The following BHLHE41 variants were observed in gnomAD, a reference collection of about 807,000 sequenced individuals.
The protein encoded by BHLHE41 is class E basic helix-loop-helix protein 41.
In BHLHE41, 14 loss-of-function variants were observed where a neutral mutation model predicts 24.0. The ratio of observed to expected loss-of-function variants is 0.58; its 90% CI spans 0.39 to 0.91. The LOEUF (loss-of-function observed/expected upper bound fraction) is 0.91, where lower values mean the gene tolerates loss of function less well. BHLHE41 is among the 40% of genes least tolerant of loss of function. The pLI, the probability that BHLHE41 is intolerant of heterozygous loss-of-function variation, is 0.00. For missense variants in BHLHE41, 674 were observed against 655.4 expected (o/e 1.03, Z -0.31); for synonymous variants, 394 against 315.5 (o/e 1.25, Z -2.64).
Position 26,124,861 on chromosome 12 carries a change from TG to T in BHLHE41, c.-83del. 1 of 1,358,104 alleles carries T rather than the reference TG, an allele frequency of 7.4e-7. No homozygotes were observed. The highest frequency in any genetic ancestry group is 1.1e-6 in the Non-Finnish European group (1 of 951,040). The allele number at this position is 1,358,104 out of a possible 1,614,324, so 84.1% of individuals were successfully genotyped here. A position where few individuals can be genotyped will look rare whatever the true frequency, so the allele number is the denominator to read the frequency against. On this transcript the variant is annotated 5_prime_UTR_variant, in exon 1 of 5. Coordinates refer to ENST00000242728, the MANE Select transcript of BHLHE41 (RefSeq NM_030762.3). ...GTGGGACGGTAGGCTTGGGAGACCT[TG>T]GGGGGATCTGTGCGTCTCCAGTCTC...
At position 26,120,223 on chromosome 12, in the gene BHLHE41, C is replaced by G. The variant is rs892488601; in HGVS notation, c.*1843G>C. ...AGATATCTTAAAACTAATTGAGCAT[C>G]CATTATGTCTTTTTTAATTATTAGA... On this transcript the variant is annotated 3_prime_UTR_variant, in exon 5 of 5. Coordinates refer to ENST00000242728, the MANE Select transcript of BHLHE41 (RefSeq NM_030762.3). The G allele has an allele frequency of 6.6e-6, 1 of 152,452 alleles. No individual in the cohort carries two copies. The highest frequency in any genetic ancestry group is 1.5e-5 in the Non-Finnish European group (1 of 68,022). The allele number at this position is 152,452 out of a possible 1,614,324, so 9.4% of individuals were successfully genotyped here.
At position 26,121,136 on chromosome 12, in the gene BHLHE41, T is replaced by C. The variant is rs904142430; in HGVS notation, c.*930A>G. 6.6e-6 allele frequency: 1 copy of C among 152,254 alleles called. No individual in the cohort carries two copies. Among genetic ancestry groups the C allele is most frequent in the Non-Finnish European group, 1.5e-5 (1 of 68,048 alleles). The allele number at this position is 152,254 out of a possible 1,614,324, so 9.4% of individuals were successfully genotyped here. A position where few individuals can be genotyped will look rare whatever the true frequency, so the allele number is the denominator to read the frequency against. Reference sequence around the variant, plus strand: ...ACAAAAATTTAGGAACATGATGGATTAATGAGAGTGGGAATAGATGCACTT... The same window carrying C: ...ACAAAAATTTAGGAACATGATGGATCAATGAGAGTGGGAATAGATGCACTT... On this transcript the variant is annotated 3_prime_UTR_variant, in exon 5 of 5. Transcript: ENST00000242728.
At position 26,122,631 on chromosome 12, in the gene BHLHE41, C is replaced by A. The variant is rs1387397479; in HGVS notation, c.884G>T (p.Gly295Val). 8 of 1,241,456 alleles carry A rather than the reference C, an allele frequency of 6.4e-6. No homozygotes were observed. The highest frequency in any genetic ancestry group is 1.6e-5 in the African/African-American group (1 of 62,660). 76.9% of individuals were successfully genotyped at this position (1,241,456 alleles called of 1,614,324 possible). The change falls in exon 5 of 5, where the codon GGC (glycine) becomes GTC (valine). Residue 295 changes from glycine to valine, a missense_variant. Gly to Val is a moderately radical substitution (Grantham distance 109). Transcript: ENST00000242728. Reference protein sequence around the residue: ...RGGGSGGGPGGGAAAAAAALL... With the variant: ...RGGGSGGGPGVGAAAAAAALL... ...CGCGGCTGCCGCCGCCGCCGCGCCG[C>A]CCCCCGGGCCGCCGCCGCTGCCGCC...
In BHLHE41 at chr12:26,122,350, A is replaced by G. The variant is rs1591838202; in HGVS notation, c.1165T>C (p.Tyr389His). 6.1e-6 allele frequency: 7 copies of G among 1,152,180 alleles called. No individual in the cohort carries two copies. The highest frequency in any genetic ancestry group is 7.4e-6 in the Non-Finnish European group (7 of 940,200). The allele number at this position is 1,152,180 out of a possible 1,614,324, so 71.4% of individuals were successfully genotyped here. A position where few individuals can be genotyped will look rare whatever the true frequency, so the allele number is the denominator to read the frequency against. Residue 389 changes from tyrosine (Y) to histidine (H), a missense_variant, in exon 5 of 5, where the codon TAC becomes CAC. Physicochemically the swap from Tyr to His is moderately conservative, Grantham distance 83. Transcript: ENST00000242728. ...AAAAAPFPLL[Y>H]PGIPAPAAAA... Reference sequence around the variant, plus strand: ...GCCGCCGGGGCGGGGATGCCGGGGTATAGCAGCGGGAACGGGGCGGCAGCC... The same window carrying G: ...GCCGCCGGGGCGGGGATGCCGGGGTGTAGCAGCGGGAACGGGGCGGCAGCC...
rs1944314053 is a variant in BHLHE41, at chr12:26,122,269, A to T, written c.1246T>A (p.Ser416Thr). The change falls in exon 5 of 5, where the codon TCC becomes ACC. Residue 416 changes from serine to threonine, a missense_variant. Ser to Thr is a moderately conservative substitution (Grantham distance 58). Around this residue, in one of 3 missense-constraint regions of BHLHE41, gnomAD observed 602 missense variants for 570.8 expected, o/e 1.05. Coordinates refer to ENST00000242728, the MANE Select transcript of BHLHE41 (RefSeq NM_030762.3). ...AAAAAAFPCL[S>T]SVLSPPPEKA... is the part of the protein sequence containing the mutation. ...TCGGGAGGGGGCGACAACACCGAGG[A>T]CAGGCAGGGGAACGCGGCGGCGGCG... is the stretch of plus-strand genomic sequence containing the variant. 2 of 1,219,858 alleles carry T rather than the reference A, an allele frequency of 1.6e-6. No individual in the cohort carries two copies. The highest frequency in any genetic ancestry group is 8.1e-5 in the South Asian group (2 of 24,746). The allele number at this position is 1,219,858 out of a possible 1,614,324, so 75.6% of individuals were successfully genotyped here.
In BHLHE41 at chr12:26,122,495, G is replaced by C. The variant is rs1238502679; in HGVS notation, c.1020C>G (p.Pro340=). The change falls in exon 5 of 5, where the codon CCC becomes CCG. Residue 340 remains proline (P), a synonymous_variant. Transcript: ENST00000242728. ...GGCAGAAGGGGGCCGCGGCGGCCGC[G>C]GGCTGCGGGAAGGGCGCGCCTCCGC... ...GGGGGAPFPQ[P]AAAAAPFCLP... is the part of the protein sequence containing the mutation. 3.8e-6 allele frequency: 5 copies of C among 1,323,008 alleles called. No homozygotes were observed. In the African/African-American group the frequency reaches 7.7e-5, roughly 20 times the overall value. 82.0% of individuals were successfully genotyped at this position (1,323,008 alleles called of 1,614,324 possible).
rs1414200845 is a variant in BHLHE41, at chr12:26,122,165, G to A, written c.1350C>T (p.His450=). The change falls in exon 5 of 5, where the codon CAC becomes CAT. Residue 450 remains histidine, a synonymous_variant. Coordinates refer to ENST00000242728, the MANE Select transcript of BHLHE41 (RefSeq NM_030762.3). ...PLGAPHPQHP[H]GRTHLPFAGP... ...CGGCGAAGGGCAGGTGGGTGCGGCC[G>A]TGCGGGTGCTGGGGGTGCGGCGCCC... 18 of 1,535,620 alleles carry A rather than the reference G, an allele frequency of 1.2e-5. No individual in the cohort carries two copies. Among genetic ancestry groups the A allele is most frequent in the Admixed American group, 2.0e-5 (1 of 49,720 alleles).
In BHLHE41 at chr12:26,123,050, C is replaced by T. The variant is rs940889368; in HGVS notation, c.465G>A (p.Arg155=). 2 of 1,581,278 alleles carry T rather than the reference C, an allele frequency of 1.3e-6. No individual in the cohort carries two copies. Among genetic ancestry groups the T allele is most frequent in the African/African-American group, 2.7e-5 (2 of 74,278 alleles). The change falls in exon 5 of 5, where the codon AGG becomes AGA. Residue 155 remains arginine (R), a synonymous_variant. Transcript: ENST00000242728. Reference sequence around the variant, plus strand: ...TGATCAGCTGGACACACCGCGGCTCCCTGGGTGTCCAGCTCTCAAACCGGG... The same window carrying T: ...TGATCAGCTGGACACACCGCGGCTCTCTGGGTGTCCAGCTCTCAAACCGGG... ...YLSRFESWTP[R]EPRCVQLINH...
rs771667138 is a variant in BHLHE41 at position 26,122,511 on chromosome 12, GCGCCTC to G, written c.998_1003del (p.Gly333_Gly334del). 7 of 1,302,076 alleles carry G rather than the reference GCGCCTC, an allele frequency of 5.4e-6. No homozygotes were observed. Among genetic ancestry groups the G allele is most frequent in the African/African-American group, 1.6e-5 (1 of 64,268 alleles). 80.7% of individuals were successfully genotyped at this position (1,302,076 alleles called of 1,614,324 possible). On this transcript the variant is annotated inframe_deletion, in exon 5 of 5. Transcript: ENST00000242728. ...GGCGGCCGCGGGCTGCGGGAAGGGC[GCGCCTC>G]CGCCTCCGCCGAACGCCACCAGCGA... is the stretch of plus-strand genomic sequence containing the variant.
Position 26,122,775 on chromosome 12 carries a change from T to TC in BHLHE41, c.739dup (p.Glu247GlyfsTer253). On this transcript the variant is annotated frameshift_variant, in exon 5 of 5. Transcript: ENST00000242728. LOFTEE classifies it low-confidence loss of function (END_TRUNC). Reference sequence around the variant, plus strand: ...GCCTTTCTCGCGGTCCGGCCGGGCCTCGGCTTCGCCGCCGTAGCCGCTGTC... The same window carrying TC: ...GCCTTTCTCGCGGTCCGGCCGGGCCTCCGGCTTCGCCGCCGTAGCCGCTGTC... 6.3e-7 allele frequency: 1 copy of TC among 1,588,390 alleles called. No homozygotes were observed. Among genetic ancestry groups the TC allele is most frequent in the Non-Finnish European group, 8.5e-7 (1 of 1,173,830 alleles).
chr12:26,122,920 C>T lies in BHLHE41; in HGVS notation c.595G>A (p.Ala199Thr), dbSNP rs1392412512. 3.9e-6 allele frequency: 6 copies of T among 1,550,056 alleles called. No individual in the cohort carries two copies. The highest frequency in any genetic ancestry group is 2.0e-5 in the Admixed American group (1 of 51,052). The change falls in exon 5 of 5, where the codon GCG (alanine) becomes ACG (threonine). Residue 199 changes from alanine (A) to threonine (T), a missense_variant. Physicochemically the swap from Ala to Thr is moderately conservative, Grantham distance 58. Coordinates refer to ENST00000242728, the MANE Select transcript of BHLHE41 (RefSeq NM_030762.3). Reference protein sequence around the residue: ...GTGAPSAAGSAAAPCLERAGQ... With the variant: ...GTGAPSAAGSTAAPCLERAGQ... ...GCGCGCTCCAGGCAGGGGGCGGCCG[C>T]GGACCCGGCGGCCGAGGGAGCGCCG...
At position 26,122,950 on chromosome 12, in the gene BHLHE41, C is replaced by G; in HGVS notation, c.565G>C (p.Gly189Arg). 6.4e-7 allele frequency: 1 copy of G among 1,557,062 alleles called. No individual in the cohort carries two copies. The highest frequency in any genetic ancestry group is 8.7e-7 in the Non-Finnish European group (1 of 1,149,992). ...CCGGCGGCCGAGGGAGCGCCGGTGCCTTTGCTCAGAGGGACCTGTTGAGTC... is the reference window on the plus strand; with the variant it reads ...CCGGCGGCCGAGGGAGCGCCGGTGCGTTTGCTCAGAGGGACCTGTTGAGTC... ...LLTQQVPLSK[G>R]TGAPSAAGSA... The change falls in exon 5 of 5, where the codon GGC becomes CGC. Residue 189 changes from glycine to arginine, a missense_variant. Around this residue, in one of 3 missense-constraint regions of BHLHE41, gnomAD observed 602 missense variants for 570.8 expected, o/e 1.05. Transcript: ENST00000242728.
chr12:26,124,741 T>C lies in BHLHE41; in HGVS notation c.39A>G (p.Leu13=), dbSNP rs879149646. The part of the protein sequence containing the change: ...EGIPHLQERQ[L]LEHRDFIGLD... ...ACCCTATAAAATCTCTATGTTCCAG[T>C]AACTGTCTCTCTTGCAAATGAGGAA... The change falls in exon 1 of 5, where the codon TTA becomes TTG. Residue 13 remains leucine (L), a synonymous_variant. Transcript: ENST00000242728. 3 of 1,614,220 alleles carry C rather than the reference T, an allele frequency of 1.9e-6. No homozygotes were observed. The South Asian group carries it at 3.3e-5, about 18-fold the overall frequency.
chr12:26,124,474 A>G (rs770492170), intron 2 of BHLHE41, 45 bp downstream of exon 2: 58 of 1,573,562 alleles, frequency 3.7e-5, no homozygotes, highest in Non-Finnish European at 4.9e-5. Flanking sequence ...GGCTCTAATT[A>G]ACTACCCATG....
In BHLHE41 at chr12:26,121,173, G is replaced by C. The variant is rs778469215; in HGVS notation, c.*893C>G. On this transcript the variant is annotated 3_prime_UTR_variant, in exon 5 of 5. Transcript: ENST00000242728. ...GAATAGATGCACTTGAGATGTGTATGTATAGATACCTATCTATGGATAAAT... is the reference window on the plus strand; with the variant it reads ...GAATAGATGCACTTGAGATGTGTATCTATAGATACCTATCTATGGATAAAT... 1 of 152,174 alleles carries C rather than the reference G, an allele frequency of 6.6e-6. No homozygotes were observed. Among genetic ancestry groups the C allele is most frequent in the Non-Finnish European group, 1.5e-5 (1 of 68,022 alleles). 9.4% of individuals were successfully genotyped at this position (152,174 alleles called of 1,614,324 possible). A position where few individuals can be genotyped will look rare whatever the true frequency, so the allele number is the denominator to read the frequency against.
intron 4 of BHLHE41, 114 bp from the exon 5 acceptor site, chr12:26,123,282 G>C: frequency 7.4e-7 from 1 of 1,347,854 alleles, no homozygotes; most frequent in Non-Finnish European, 9.9e-7. Flanking sequence ...AAGTGATCTC[G>C]GTTTTTCCCC....
chr12:26,121,975 G>A lies in BHLHE41; in HGVS notation c.*91C>T, dbSNP rs1018201442. 6.5e-6 allele frequency: 10 copies of A among 1,539,070 alleles called. No individual in the cohort carries two copies. Among genetic ancestry groups the A allele is most frequent in the African/African-American group, 5.5e-5 (4 of 72,472 alleles). Reference sequence around the variant, plus strand: ...CACTTCCTCCCTTAAAGACCTTAAGGGTATTTTAACTTCTCACTCTGCTTG... The same window carrying A: ...CACTTCCTCCCTTAAAGACCTTAAGAGTATTTTAACTTCTCACTCTGCTTG... On this transcript the variant is annotated 3_prime_UTR_variant, in exon 5 of 5. Coordinates refer to ENST00000242728, the MANE Select transcript of BHLHE41 (RefSeq NM_030762.3).
In BHLHE41 at chr12:26,124,863, G is replaced by T. The variant is rs142388272; in HGVS notation, c.-84C>A. 1.4e-5 allele frequency: 19 copies of T among 1,360,056 alleles called. No homozygotes were observed. Among genetic ancestry groups the T allele is most frequent in the Non-Finnish European group, 2.0e-5 (19 of 953,066 alleles). The allele number at this position is 1,360,056 out of a possible 1,614,324, so 84.2% of individuals were successfully genotyped here. On this transcript the variant is annotated 5_prime_UTR_variant, in exon 1 of 5. Transcript: ENST00000242728. ...GGGACGGTAGGCTTGGGAGACCTTG[G>T]GGGGATCTGTGCGTCTCCAGTCTCT...
chr12:26,121,936 TCGTGCATCTATTACACTTC>T lies in BHLHE41; in HGVS notation c.*111_*129del. Reference sequence around the variant, plus strand: ...GTTTTGTTGTTCTTGTTTATGCCTGTCGTGCATCTATTACACTTCCTCCCTTAAAGACCTTAAGGGTATT... The same window carrying T: ...GTTTTGTTGTTCTTGTTTATGCCTGTCTCCCTTAAAGACCTTAAGGGTATT... On this transcript the variant is annotated 3_prime_UTR_variant, in exon 5 of 5. Coordinates refer to ENST00000242728, the MANE Select transcript of BHLHE41 (RefSeq NM_030762.3). 2 of 1,535,550 alleles carry T rather than the reference TCGTGCATCTATTACACTTC, an allele frequency of 1.3e-6. No homozygotes were observed. Among genetic ancestry groups the T allele is most frequent in the Non-Finnish European group, 1.8e-6 (2 of 1,140,164 alleles).
Sources: allele counts gnomAD v4.1 joint callset, GRCh38; gene constraint gnomAD v4.1.1; regional missense constraint gnomAD v4.1.1; transcripts MANE v1.5; gene names NCBI Gene and HGNC (gene_info 2026-07-23, HGNC 2026-07-21).